The following PCDHA3 variants were observed in gnomAD, a reference collection of about 807,000 sequenced individuals.
PCDHA3 encodes protocadherin alpha-3.
In PCDHA3, 41 loss-of-function variants were observed where a neutral mutation model predicts 62.2. That is an observed-to-expected ratio of 0.66 (90% CI 0.51 to 0.86). The LOEUF is 0.86. Ranked by LOEUF, PCDHA3 falls within the 40% of genes least tolerant of loss-of-function variation. The pLI is 0.00. For missense variants in PCDHA3, 1,304 were observed against 1,241.2 expected, an observed-to-expected ratio of 1.05 and a Z score of -0.76; for synonymous variants, 640 against 555.4, an observed-to-expected ratio of 1.15 and a Z score of -2.14.
intron 1 of PCDHA3, chr5:140,868,870 C>T: frequency 1.6e-6 from 1 of 619,808 alleles, no homozygotes; most frequent in Admixed American, 3.3e-5. Flanking sequence ...ATGCAGTGCA[C>T]AGTACTCACA....
intron 1 of PCDHA3, among the ~76,000 whole-genome samples, chr5:140,902,203 C>CTTTTTTTTTT (rs148688132): frequency 8.0e-6 from 1 of 124,460 alleles, no homozygotes; most frequent in Non-Finnish European, 1.7e-5. Flanking sequence ...CTCTCTCTTT[C>CTTTTTTTTTT]TTTTTTTTTT....
chr5:140,944,255 A>G (rs1266795910), intron 1 of PCDHA3, among the ~76,000 whole-genome samples: 5 of 152,098 alleles, frequency 3.3e-5, no homozygotes, highest in African/African-American at 1.2e-4. Context: ...TGATGTGATC[A>G]CTGCTCACTG....
chr5:140,884,662 G>C lies in PCDHA3; in HGVS notation c.2394+81071G>C, dbSNP rs372022274. On this transcript the variant is annotated intron_variant, in intron 1 of 3. Transcript: ENST00000522353. ...AGGAGGACTCAGAATGCTTGAAAGA[G>C]GTAAGCTTATATTTTAAAAAATTGT... is the stretch of plus-strand genomic sequence containing the variant. 11 of 1,589,820 alleles carry C rather than the reference G, an allele frequency of 6.9e-6. No homozygotes were observed. In the African/African-American group the frequency reaches 9.4e-5, roughly 14 times the overall value.
intron 1 of PCDHA3, among the ~76,000 whole-genome samples, chr5:140,885,964 G>A (rs1326363408): frequency 6.6e-6 from 1 of 151,886 alleles, no homozygotes; most frequent in Non-Finnish European, 1.5e-5. Flanking sequence ...TTTTTATTTT[G>A]AGATAATTAT....
intron 1 of PCDHA3, chr5:140,969,240 C>T: frequency 6.2e-7 from 1 of 1,614,198 alleles, no homozygotes; most frequent in South Asian, 1.1e-5. Context: ...GCCCAAGCAG[C>T]AGTGACTGAC....
Position 140,803,370 on chromosome 5 carries a change from G to A in PCDHA3, c.2173G>A (p.Ala725Thr), listed in dbSNP as rs1356277408. 1 of 1,614,196 alleles carries A rather than the reference G, an allele frequency of 6.2e-7. No homozygotes were observed. The highest frequency in any genetic ancestry group is 8.5e-7 in the Non-Finnish European group (1 of 1,180,028). ...LLLYTALRCS[A>T]PPTEGDCGPG... is the part of the protein sequence containing the mutation. ...GCTATATACTGCTCTGCGGTGCTCC[G>A]CGCCGCCAACCGAAGGCGACTGTGG... The change falls in exon 1 of 4, where the codon GCG (alanine) becomes ACG (threonine). Residue 725 changes from alanine to threonine, a missense_variant. Physicochemically the swap from Ala to Thr is moderately conservative, Grantham distance 58. Transcript: ENST00000522353.
At chr5:140,869,457 T>A (rs1554163081) in intron 1 of PCDHA3, 2 of 1,614,184 alleles carry the variant, frequency 1.2e-6, no homozygotes, top group Non-Finnish European at 1.7e-6. Flanking sequence ...AGGTTTTCCA[T>A]GTGAACGTGG....
chr5:140,809,343 C>A (rs1764434828), intron 1 of PCDHA3: 3 of 1,614,074 alleles, frequency 1.9e-6, no homozygotes, highest in Middle Eastern at 3.3e-4. Context: ...CTGCTGTACA[C>A]CGCGCTGCGG....
At chr5:140,981,203 C>T (rs2096922514) in intron 2 of PCDHA3, among the ~76,000 whole-genome samples, 1 of 152,212 alleles carries the variant, frequency 6.6e-6, no homozygotes, top group South Asian at 2.1e-4. Flanking sequence ...TCTGTTGCCT[C>T]ATATAACCCC....
chr5:140,955,603 C>T (rs898504105), intron 1 of PCDHA3, among the ~76,000 whole-genome samples: 1 of 152,146 alleles, frequency 6.6e-6, no homozygotes, highest in Non-Finnish European at 1.5e-5. Flanking sequence ...TTATAAATTA[C>T]CCAGTCTCAG....
rs114370861 is a variant in PCDHA3 at position 140,845,840 on chromosome 5, G to A, written c.2394+42249G>A. 5.2e-3 allele frequency among the ~76,000 whole-genome samples: 775 copies of A among 149,794 alleles called. 45 individuals are homozygous for A. Among genetic ancestry groups the A allele is most frequent in the African/African-American group, 0.018 (745 of 40,934 alleles). On this transcript the variant is annotated intron_variant, in intron 1 of 3. Transcript: ENST00000522353. The stretch of plus-strand genomic sequence containing the variant: ...AAAATTTAGTTATTACCATTCTTAA[G>A]AGAAAAGAAGTTAGTGATTGCAGAA...
At chr5:140,927,183 C>G (rs1554204140) in intron 1 of PCDHA3, 2 of 1,614,042 alleles carry the variant, frequency 1.2e-6, no homozygotes, top group African/African-American at 2.7e-5. Flanking sequence ...TCTTGACCTA[C>G]GACCTGGTGC....
At chr5:140,943,529 A>T (rs1291911076) in intron 1 of PCDHA3, among the ~76,000 whole-genome samples, 1 of 152,220 alleles carries the variant, frequency 6.6e-6, no homozygotes, top group Non-Finnish European at 1.5e-5. Context: ...TCAGTATGCA[A>T]AATGTCATGT....
At chr5:140,941,185 C>CTTTT (rs782102770) in intron 1 of PCDHA3, among the ~76,000 whole-genome samples, 28 of 102,174 alleles carry the variant, frequency 2.7e-4, no homozygotes, top group African/African-American at 6.8e-4. Flanking sequence ...CATCCTGCTT[C>CTTTT]TTTTTTTTTC....
At chr5:140,808,471 A>G (rs782329561) in intron 1 of PCDHA3, 1 of 1,614,060 alleles carries the variant, frequency 6.2e-7, no homozygotes, top group Admixed American at 1.7e-5. Flanking sequence ...TGACCGCGCG[A>G]GACGGGGGCT....
intron 1 of PCDHA3, among the ~76,000 whole-genome samples, chr5:140,890,175 A>G (rs1488442027): frequency 6.6e-6 from 1 of 152,158 alleles, no homozygotes; most frequent in Non-Finnish European, 1.5e-5. Context: ...GAAATAGGCA[A>G]ATGCTACAAA....
intron 1 of PCDHA3, among the ~76,000 whole-genome samples, chr5:140,846,117 T>C (rs1780205131): frequency 6.7e-6 from 1 of 149,668 alleles, no homozygotes; most frequent in African/African-American, 2.4e-5. Flanking sequence ...CTATCTTACT[T>C]TGATAGTTGT....
chr5:140,855,249 C>A (rs910025262), intron 1 of PCDHA3, among the ~76,000 whole-genome samples: 1 of 149,670 alleles, frequency 6.7e-6, no homozygotes, highest in African/African-American at 2.4e-5. Flanking sequence ...ATTGCAAGCA[C>A]TTACTATATT....
intron 1 of PCDHA3, chr5:140,967,436 C>T (rs781894469): frequency 6.2e-7 from 1 of 1,613,496 alleles, no homozygotes; most frequent in Non-Finnish European, 8.5e-7. Context: ...AGCCTTGCAC[C>T]ACCTGGTTCT....
Sources: gnomAD v4.1 joint callset for allele counts (sites outside exome capture counted in the v4.1 genomes callset) on GRCh38, gnomAD v4.1.1 for gene constraint, MANE v1.5 for transcripts, NCBI Gene and HGNC (gene_info 2026-07-23, HGNC 2026-07-21) for gene names.